UBE3B: variants seen among roughly 807,000 people sequenced by gnomAD.
UBE3B encodes the protein ubiquitin-protein ligase E3B.
UBE3B carries 80 observed loss-of-function variants against 132.3 expected under a neutral mutation model. The observed-to-expected ratio is 0.60, with a 90% CI of 0.50 to 0.73. The LOEUF (loss-of-function observed/expected upper bound fraction) is 0.73, where lower values mean the gene tolerates loss of function less well. Ranked by LOEUF, UBE3B falls within the 30% of genes least tolerant of loss-of-function variation. The pLI, the probability that UBE3B is intolerant of heterozygous loss-of-function variation, is 0.00. For missense variants in UBE3B, 1,196 were observed against 1,362.5 expected, an observed-to-expected ratio of 0.88 and a Z score of 1.92; for synonymous variants, 487 against 520.4, an observed-to-expected ratio of 0.94 and a Z score of 0.87.
At chr12:109,507,133 C>T (rs1030813221) in intron 14 of UBE3B, among the ~76,000 whole-genome samples, 1 of 152,198 alleles carries the variant, frequency 6.6e-6, no homozygotes, top group Non-Finnish European at 1.5e-5. Context: ...AAAATATTTA[C>T]TCTTTGGCTG....
At chr12:109,499,057 G>A (rs1385823153) in intron 11 of UBE3B, among the ~76,000 whole-genome samples, 7 of 151,824 alleles carry the variant, frequency 4.6e-5, no homozygotes, top group African/African-American at 1.7e-4. Context: ...CCTTGGGCTC[G>A]AACAATCCAC....
chr12:109,508,611 A>G, intron 15 of UBE3B: 2 of 985,604 alleles, frequency 2.0e-6, no homozygotes, highest in African/African-American at 3.5e-5. Flanking sequence ...AGGATCAGGG[A>G]CATGTAGGTG....
rs1175156961 is a variant in UBE3B at position 109,530,153 on chromosome 12, G to T, written c.2810+81G>T. 7 of 1,547,270 alleles carry T rather than the reference G, an allele frequency of 4.5e-6. No homozygotes were observed. In the South Asian group the frequency reaches 8.1e-5, roughly 18 times the overall value. On this transcript the variant is annotated intron_variant, in intron 25 of 27. Transcript: ENST00000342494. Reference sequence around the variant, plus strand: ...GCTCCCTCGCTGGGTTCCTTTTAGAGAGTTGTTTTAGGAGCCTGTCTCCAG... The same window carrying T: ...GCTCCCTCGCTGGGTTCCTTTTAGATAGTTGTTTTAGGAGCCTGTCTCCAG...
At chr12:109,517,829 T>C (rs1034043107) in intron 19 of UBE3B, 33 of 338,726 alleles carry the variant, frequency 9.7e-5, no homozygotes, top group African/African-American at 6.1e-4. Flanking sequence ...CACCAGCAGA[T>C]GGCTTCTGGC....
At chr12:109,519,541 C>T (rs887431828) in intron 19 of UBE3B, 8 of 152,226 alleles carry the variant, frequency 5.3e-5, no homozygotes, top group Admixed American at 2.6e-4. Flanking sequence ...TAACCACAAA[C>T]GCATCTACTA....
At chr12:109,483,444 C>T in intron 2 of UBE3B, 87 bp from the exon 3 acceptor site, 3 of 1,393,876 alleles carry the variant, frequency 2.2e-6, no homozygotes, top group Non-Finnish European at 1.9e-6. Flanking sequence ...TGCCCAGGTC[C>T]CTGCCCACCC....
Position 109,524,045 on chromosome 12 carries a change from T to C in UBE3B, c.2432T>C (p.Val811Ala). The C allele has an allele frequency of 6.2e-7, 1 of 1,614,178 alleles. No homozygotes were observed. The highest frequency in any genetic ancestry group is 1.1e-5 in the South Asian group (1 of 91,078). The part of the protein sequence containing the change: ...LSQLLGHHHS[V>A]FYSSVDELPS... ...CAACTGCTTGGGCACCACCACAGCG[T>C]CTTCTATAGCTCGGTGGATGAACTG... The change falls in exon 22 of 28, where the codon GTC becomes GCC. Residue 811 changes from valine (V) to alanine (A), a missense_variant. Val to Ala is a moderately conservative substitution (Grantham distance 64, BLOSUM62 0). Coordinates refer to ENST00000342494, the MANE Select transcript of UBE3B (RefSeq NM_130466.4).
At chr12:109,538,257 G>A (rs1198580241), downstream of UBE3B, among the ~76,000 whole-genome samples, 4 of 152,162 alleles carry the variant, frequency 2.6e-5, no homozygotes, top group East Asian at 1.9e-4. The surrounding 1 kb of genome is among the most constrained non-coding windows in gnomAD (Gnocchi z 4.1). Flanking sequence ...CTGGGTTCTC[G>A]CCAAGCTTGG....
rs369331998 is a variant in UBE3B, at chr12:109,486,065, G to A, written c.336G>A (p.Glu112=). ...TGAGCAGCATGGATGCTGAGAATGA[G>A]CCTAAGGTAAGTGGACGGGAGCCGC... The part of the protein sequence containing the change: ...SILSSMDAEN[E]PKVWYVSLAC... Residue 112 remains glutamate (E), a synonymous_variant, in exon 5 of 28, where the codon GAG becomes GAA. Transcript: ENST00000342494. 2.3e-5 allele frequency: 36 copies of A among 1,557,062 alleles called. No homozygotes were observed. Among genetic ancestry groups the A allele is most frequent in the Non-Finnish European group, 2.9e-5 (33 of 1,149,916 alleles).
intron 17 of UBE3B, 148 bp from the exon 18 acceptor site, chr12:109,511,056 G>T (rs1388916756): frequency 1.5e-6 from 1 of 668,348 alleles, no homozygotes; most frequent in African/African-American, 1.8e-5. Context: ...GGCTATACAT[G>T]TATGAATGAG....
At chr12:109,533,186 T>C (rs987020158) in intron 26 of UBE3B, among the ~76,000 whole-genome samples, 11 of 152,226 alleles carry the variant, frequency 7.2e-5, no homozygotes, top group African/African-American at 2.4e-4. Context: ...GCATTTGTGC[T>C]GTTCCTACTC....
chr12:109,495,674 A>G (rs1352520305), intron 9 of UBE3B, among the ~76,000 whole-genome samples: 2 of 152,242 alleles, frequency 1.3e-5, no homozygotes, highest in Non-Finnish European at 2.9e-5. Context: ...TCTATAGATT[A>G]TAGATTAACT....
downstream of UBE3B, among the ~76,000 whole-genome samples, chr12:109,539,146 G>T (rs1338938498): frequency 2.0e-5 from 3 of 152,220 alleles, no homozygotes; most frequent in East Asian, 5.8e-4. Context: ...TGAGGCTGGA[G>T]AATTGCTTGA....
chr12:109,503,681 A>G (rs1232424857), intron 14 of UBE3B, among the ~76,000 whole-genome samples: 1 of 152,244 alleles, frequency 6.6e-6, no homozygotes, highest in East Asian at 1.9e-4. Context: ...ATAGTATCTC[A>G]TCACATGGAT....
intron 19 of UBE3B, 74 bp downstream of exon 19, chr12:109,516,958 C>A: frequency 6.4e-7 from 1 of 1,563,196 alleles, no homozygotes; most frequent in South Asian, 1.2e-5. Context: ...AGTGGACGGT[C>A]TCTGGCTTTT....
Position 109,510,349 on chromosome 12 carries a change from G to T in UBE3B, c.1747G>T (p.Ala583Ser), listed in dbSNP as rs768852371. The T allele has an allele frequency of 6.2e-7, 1 of 1,604,394 alleles. No individual in the cohort carries two copies. The highest frequency in any genetic ancestry group is 1.3e-5 in the African/African-American group (1 of 74,934). The change falls in exon 17 of 28, where the codon GCC becomes TCC. Residue 583 changes from alanine (A) to serine (S), a missense_variant. Ala to Ser is a moderately conservative substitution (Grantham distance 99). Coordinates refer to ENST00000342494, the MANE Select transcript of UBE3B (RefSeq NM_130466.4). Reference sequence around the variant, plus strand: ...CCTGTTTGTTTGTCCCACAGAGAACGCCAAGGGTGAGACCTTGGAGCTGTT... The same window carrying T: ...CCTGTTTGTTTGTCCCACAGAGAACTCCAAGGGTGAGACCTTGGAGCTGTT... ...KMIWDGIVEN[A>S]KGETLELFQS...
At chr12:109,545,359 A>C in the UBE3B span, among the ~76,000 whole-genome samples, 2 of 152,240 alleles carry the variant, frequency 1.3e-5, no homozygotes, top group Non-Finnish European at 2.9e-5. Context: ...GCTGAGTTAC[A>C]GCCGTGCACA....
At position 109,521,255 on chromosome 12, in the gene UBE3B, C is replaced by T. The variant is rs117369894; in HGVS notation, c.2184C>T (p.Asp728=). 323 of 1,614,180 alleles carry T rather than the reference C, an allele frequency of 2.0e-4. 1 individual carries two copies. In the African/African-American group the frequency reaches 3.3e-3, roughly 16 times the overall value. ...LGVDEAGIDQ[D]GVFKEFLEEI... Reference sequence around the variant, plus strand: ...TGGACGAAGCAGGGATTGATCAAGACGGTGTTTTTAAGGAGTTCTTGGAAG... The same window carrying T: ...TGGACGAAGCAGGGATTGATCAAGATGGTGTTTTTAAGGAGTTCTTGGAAG... Residue 728 remains aspartate, a synonymous_variant, in exon 20 of 28, where the codon GAC becomes GAT. Transcript: ENST00000342494. This position sits in a 1 kb window ranked among gnomAD's most constrained non-coding sequence, Gnocchi z 4.2.
the UBE3B span, among the ~76,000 whole-genome samples, chr12:109,544,616 C>T: frequency 6.6e-6 from 1 of 152,158 alleles, no homozygotes; most frequent in South Asian, 2.1e-4. Flanking sequence ...TCCCCCCAGC[C>T]CATGCACTCC....
Sources: gnomAD v4.1 joint callset for allele counts (sites outside exome capture counted in the v4.1 genomes callset) on GRCh38, gnomAD v4.1.1 for gene constraint, Gnocchi (gnomAD v3.1) non-coding constraint, MANE v1.5 for transcripts, NCBI Gene and HGNC (gene_info 2026-07-23, HGNC 2026-07-21) for gene names.